POLA1: variants seen among roughly 807,000 people sequenced by gnomAD.
POLA1 encodes the protein DNA polymerase alpha 1, catalytic subunit, also known as DNA polymerase alpha catalytic subunit.
POLA1 carries 15 observed loss-of-function variants against 124.0 expected under a neutral mutation model. The ratio of observed to expected loss-of-function variants is 0.12; its 90% CI spans 0.08 to 0.19. POLA1 has a LOEUF of 0.19. Ranked by LOEUF, POLA1 falls within the 10% of genes least tolerant of loss-of-function variation. The pLI is 1.00. For synonymous variants in POLA1, 408 were observed against 389.4 expected (o/e 1.05, Z -0.56); for missense variants, 886 against 1,103.4 (o/e 0.80, Z 2.79).
At chrX:24,894,769 C>CTTTCT (rs760134792) in intron 35 of POLA1, among the ~76,000 whole-genome samples, 18 of 107,946 alleles carry the variant, frequency 1.7e-4, no homozygotes, top group Admixed American at 8.9e-4. Context: ...ACTCTATTTT[C>CTTTCT]TTTCTTTTCT....
At chrX:24,746,538 A>G (rs1466484890) in intron 24 of POLA1, among the ~76,000 whole-genome samples, 1 of 112,209 alleles carries the variant, frequency 8.9e-6, no homozygotes, top group African/African-American at 3.2e-5. Context: ...GTAGCAATTT[A>G]TAGATCTGAA....
rs71541518 is a variant in POLA1 at position 24,741,872 on chromosome X, T to A, written c.2347-130T>A. 0.012 allele frequency: 5,917 copies of A among 474,050 alleles called. 304 individuals carry two copies. In the African/African-American group the frequency reaches 0.14, roughly 11 times the overall value. The allele number at this position is 474,050 out of a possible 1,213,427, so 39.1% of individuals were successfully genotyped here. A position where few individuals can be genotyped will look rare whatever the true frequency, so the allele number is the denominator to read the frequency against. On this transcript the variant is annotated intron_variant, in intron 21 of 36. Coordinates refer to ENST00000379068, the MANE Select transcript of POLA1 (RefSeq NM_001330360.2). ...GAATAATTTAGTACCTTTTTTTTTT[T>A]TAAAAAAAAAGCAGACCGTTATTAG...
At position 24,841,757 on chromosome X, in the gene POLA1, A is replaced by G. The variant is rs760127959; in HGVS notation, c.3842A>G (p.Asp1281Gly). ...CTCACTGATGAAGAGAAATACAGGG[A>G]CTGTGAAAGATTCAAATGTCCATGC... ...AQLTDEEKYRDCERFKCPCPT... is the reference protein window; with the variant it reads ...AQLTDEEKYRGCERFKCPCPT... Residue 1281 changes from aspartate to glycine, a missense_variant, in exon 33 of 37, where the codon GAC becomes GGC. Transcript: ENST00000379068. 8.4e-7 allele frequency: 1 copy of G among 1,190,614 alleles called. No homozygotes were observed. The highest frequency in any genetic ancestry group is 1.1e-6 in the Non-Finnish European group (1 of 876,982).
At chrX:24,759,366 T>A (rs186981519) in intron 26 of POLA1, among the ~76,000 whole-genome samples, 1 of 112,016 alleles carries the variant, frequency 8.9e-6, no homozygotes, top group Admixed American at 9.5e-5. Context: ...TCTACTTCAG[T>A]TTGTCAGGGA....
chrX:24,822,838 G>T (rs2046112732), intron 31 of POLA1, among the ~76,000 whole-genome samples: 1 of 111,066 alleles, frequency 9.0e-6, no homozygotes, highest in East Asian at 2.8e-4. Flanking sequence ...ACATGGAAAA[G>T]CTCTTAGATT....
intron 33 of POLA1, 153 bp downstream of exon 33, chrX:24,841,983 C>T (rs985264830): frequency 5.0e-6 from 2 of 396,856 alleles, no homozygotes; most frequent in African/African-American, 5.3e-5. Flanking sequence ...AATCTACCTT[C>T]ACAGCTTGCT....
intron 36 of POLA1, among the ~76,000 whole-genome samples, chrX:24,972,262 G>T (rs1405171583): frequency 8.9e-6 from 1 of 112,050 alleles, no homozygotes; most frequent in South Asian, 3.6e-4. Flanking sequence ...TGAGCCACCG[G>T]GCCTGGCCGG....
intron 32 of POLA1, among the ~76,000 whole-genome samples, chrX:24,830,978 A>G (rs1418404566): frequency 1.8e-5 from 2 of 111,983 alleles, no homozygotes; most frequent in Admixed American, 9.5e-5. Context: ...CTGAGAAATT[A>G]TTGAGGTTTG....
chrX:24,939,884 T>G (rs765392872), intron 36 of POLA1, among the ~76,000 whole-genome samples: 3 of 112,090 alleles, frequency 2.7e-5, no homozygotes, highest in Admixed American at 1.9e-4. Flanking sequence ...AGGAATTGAT[T>G]AATAGAATCA....
At chrX:24,942,392 G>A (rs2047917598) in intron 36 of POLA1, among the ~76,000 whole-genome samples, 1 of 111,736 alleles carries the variant, frequency 8.9e-6, no homozygotes, top group African/African-American at 3.3e-5. Context: ...CAAATACAAG[G>A]GAATGGTATG....
At chrX:24,784,538 G>A (rs1313567915) in intron 26 of POLA1, among the ~76,000 whole-genome samples, 2 of 110,061 alleles carry the variant, frequency 1.8e-5, no homozygotes, top group African/African-American at 6.6e-5. Flanking sequence ...CAAAAAATGA[G>A]CCAGGTGTGG....
Position 24,954,385 on chromosome X carries a change from T to C in POLA1, c.4261+23836T>C, listed in dbSNP as rs182989609. Among the ~76,000 whole-genome samples, 19 of 112,568 alleles carry C rather than the reference T, an allele frequency of 1.7e-4. 1 individual carries two copies. The East Asian group carries it at 5.3e-3, about 31-fold the overall frequency. ...CTAGATCCACATTTGCTTTTCTGTG[T>C]TTTTGTGAACAACTGATCAAATTAG... On this transcript the variant is annotated intron_variant, in intron 36 of 36. Transcript: ENST00000379068.
chrX:24,946,237 G>A (rs750645326), intron 36 of POLA1, among the ~76,000 whole-genome samples: 1 of 111,142 alleles, frequency 9.0e-6, no homozygotes, highest in Admixed American at 9.5e-5. Flanking sequence ...CAGCTGACTG[G>A]ATCCTGGGTA....
intron 32 of POLA1, among the ~76,000 whole-genome samples, chrX:24,828,399 A>G (rs1234293994): frequency 2.7e-5 from 3 of 111,646 alleles, no homozygotes; most frequent in Non-Finnish European, 3.8e-5. Flanking sequence ...TGTGATTCCA[A>G]AGGTTGTGAT....
intron 35 of POLA1, among the ~76,000 whole-genome samples, chrX:24,897,453 C>T (rs1002871084): frequency 2.8e-5 from 3 of 105,995 alleles, no homozygotes; most frequent in Non-Finnish European, 5.8e-5. Flanking sequence ...GTGTGCAGTT[C>T]GTTCACCTCA....
chrX:24,952,975 A>G, intron 36 of POLA1, among the ~76,000 whole-genome samples: 1 of 112,351 alleles, frequency 8.9e-6, no homozygotes, highest in Non-Finnish European at 1.9e-5. Flanking sequence ...TGATAGGTAA[A>G]TAAGAATAAA....
At chrX:24,752,049 AGCCTAGGGAG>A (rs1366491307) in intron 26 of POLA1, among the ~76,000 whole-genome samples, 1 of 112,000 alleles carries the variant, frequency 8.9e-6, no homozygotes, top group Non-Finnish European at 1.9e-5. Flanking sequence ...ATTAATACAC[AGCCTAGGGAG>A]GCCTTGAAGC....
chrX:24,952,190 A>G (rs2048055789), intron 36 of POLA1, among the ~76,000 whole-genome samples: 1 of 112,079 alleles, frequency 8.9e-6, no homozygotes, highest in Non-Finnish European at 1.9e-5. Context: ...GCTCATATAA[A>G]TTGCCTTCTC....
chrX:24,982,383 G>A (rs1158668754), intron 36 of POLA1, among the ~76,000 whole-genome samples: 2 of 110,715 alleles, frequency 1.8e-5, no homozygotes, highest in Non-Finnish European at 3.8e-5. Flanking sequence ...TGGATGTTCT[G>A]TTCAGGTGGG....
Sources: allele counts gnomAD v4.1 joint callset (sites outside exome capture counted in the v4.1 genomes callset), GRCh38; gene constraint gnomAD v4.1.1; transcripts MANE v1.5; gene names NCBI Gene and HGNC (gene_info 2026-07-23, HGNC 2026-07-21).